Variants in FSIP1 observed in about 807,000 individuals in gnomAD.
FSIP1 encodes the protein fibrous sheath interacting protein 1, also known as fibrous sheath-interacting protein 1.
FSIP1 carries 65 observed loss-of-function variants against 60.9 expected under a neutral mutation model. The observed-to-expected ratio is 1.07, with a 90% CI of 0.87 to 1.31. The LOEUF (loss-of-function observed/expected upper bound fraction) is 1.31, where lower values mean the gene tolerates loss of function less well. FSIP1 is among the 40% of genes most tolerant of loss of function. The pLI, the probability that FSIP1 is intolerant of heterozygous loss-of-function variation, is 0.00. For synonymous variants in FSIP1, 209 were observed against 221.2 expected, an observed-to-expected ratio of 0.94 and a Z score of 0.49; for missense variants, 675 against 665.5, an observed-to-expected ratio of 1.01 and a Z score of -0.16.
At chr15:39,679,713 T>C (rs985517277) in intron 10 of FSIP1, among the ~76,000 whole-genome samples, 1 of 152,242 alleles carries the variant, frequency 6.6e-6, no homozygotes, top group African/African-American at 2.4e-5. Flanking sequence ...GGAATATTTA[T>C]GCTAAAGCAT....
At chr15:39,725,176 A>G (rs1896140727) in intron 9 of FSIP1, among the ~76,000 whole-genome samples, 1 of 152,240 alleles carries the variant, frequency 6.6e-6, no homozygotes, top group African/African-American at 2.4e-5. Context: ...GCTTGCAGTG[A>G]GCCGAGATCG....
At chr15:39,698,875 A>G (rs1254795233) in intron 10 of FSIP1, among the ~76,000 whole-genome samples, 1 of 152,198 alleles carries the variant, frequency 6.6e-6, no homozygotes, top group African/African-American at 2.4e-5. Context: ...TGCTTTCATA[A>G]AAGAAACCCA....
At chr15:39,703,075 C>A (rs1471424515) in intron 10 of FSIP1, among the ~76,000 whole-genome samples, 1 of 151,770 alleles carries the variant, frequency 6.6e-6, no homozygotes, top group Non-Finnish European at 1.5e-5. Flanking sequence ...CTCCCCCTCC[C>A]GGGTTCAAGC....
intron 5 of FSIP1, among the ~76,000 whole-genome samples, chr15:39,750,243 G>A (rs980466023): frequency 1.4e-4 from 21 of 151,800 alleles, no homozygotes; most frequent in African/African-American, 4.1e-4. Flanking sequence ...ACTACCCAAA[G>A]CAACCACTAT....
intron 10 of FSIP1, among the ~76,000 whole-genome samples, chr15:39,687,330 T>C (rs969481040): frequency 6.6e-6 from 1 of 151,886 alleles, no homozygotes; most frequent in African/African-American, 2.4e-5. Context: ...AATTTTGTAT[T>C]TTTAGTAGAA....
Position 39,689,774 on chromosome 15 carries a change from T to C in FSIP1, c.1188+23670A>G, listed in dbSNP as rs148037211. Among the ~76,000 whole-genome samples, 536 of 152,322 alleles carry C rather than the reference T, an allele frequency of 3.5e-3. 4 individuals carry two copies. Among genetic ancestry groups the C allele is most frequent in the African/African-American group, 0.012 (507 of 41,564 alleles). On this transcript the variant is annotated intron_variant, in intron 10 of 11. Coordinates refer to ENST00000350221, the MANE Select transcript of FSIP1 (RefSeq NM_152597.5). ...AATAGTAAGATTAGTTATCTAAATGTCCACACAAATGGCATAAATCACTGA... is the reference window on the plus strand; with the variant it reads ...AATAGTAAGATTAGTTATCTAAATGCCCACACAAATGGCATAAATCACTGA...
intron 10 of FSIP1, among the ~76,000 whole-genome samples, chr15:39,703,071 C>A (rs1217223644): frequency 1.3e-5 from 2 of 151,434 alleles, no homozygotes; most frequent in Non-Finnish European, 2.9e-5. Flanking sequence ...CAACCTCCCC[C>A]TCCCGGGTTC....
At chr15:39,756,741 A>T (rs1357876041) in intron 5 of FSIP1, among the ~76,000 whole-genome samples, 1 of 152,164 alleles carries the variant, frequency 6.6e-6, no homozygotes, top group East Asian at 1.9e-4. Flanking sequence ...GAAAAGAAAG[A>T]AAGTAGGTTT....
At chr15:39,688,804 G>A (rs1430182408) in intron 10 of FSIP1, among the ~76,000 whole-genome samples, 1 of 152,150 alleles carries the variant, frequency 6.6e-6, no homozygotes, top group African/African-American at 2.4e-5. Context: ...TAACACCTGT[G>A]GGTGAGGTGG....
chr15:39,699,096 G>A (rs1262694546), intron 10 of FSIP1, among the ~76,000 whole-genome samples: 1 of 152,208 alleles, frequency 6.6e-6, no homozygotes, highest in Admixed American at 6.5e-5. Flanking sequence ...AAGATGAAGG[G>A]CAAAAGGCAC....
chr15:39,774,808 G>C (rs1197593157), intron 2 of FSIP1, among the ~76,000 whole-genome samples: 1 of 152,214 alleles, frequency 6.6e-6, no homozygotes, highest in Non-Finnish European at 1.5e-5. Flanking sequence ...ATCTCTGCAT[G>C]TCTAGTCACC....
At chr15:39,672,175 C>A (rs984152630) in intron 10 of FSIP1, among the ~76,000 whole-genome samples, 2 of 152,316 alleles carry the variant, frequency 1.3e-5, no homozygotes, top group East Asian at 1.9e-4. Context: ...TCTGTCCAAG[C>A]TCAGCTTCCC....
chr15:39,766,336 A>C lies in FSIP1; in HGVS notation c.311-590T>G, dbSNP rs368399281. ...AGTACAATTGATAGTCACTTATTTG[A>C]AATTAAGGACTCTTTAGAACTTCTG... On this transcript the variant is annotated intron_variant, in intron 3 of 11. Transcript: ENST00000350221. 3.3e-5 allele frequency among the ~76,000 whole-genome samples: 5 copies of C among 152,340 alleles called. 1 individual carries two copies. The highest frequency in any genetic ancestry group is 6.5e-5 in the Admixed American group (1 of 15,298).
intron 10 of FSIP1, among the ~76,000 whole-genome samples, chr15:39,707,525 ACCCCT>A (rs1460895159): frequency 1.3e-5 from 2 of 151,768 alleles, no homozygotes; most frequent in Non-Finnish European, 2.9e-5. Flanking sequence ...TCCAAGGCTT[ACCCCT>A]CCATCTTCAA....
intron 5 of FSIP1, among the ~76,000 whole-genome samples, chr15:39,747,777 G>A (rs1201070203): frequency 6.6e-6 from 1 of 152,040 alleles, no homozygotes; most frequent in African/African-American, 2.4e-5. Context: ...CCTTCCCATG[G>A]TTCAGAATCT....
At chr15:39,614,311 AAAC>A (rs1332055530) in intron 11 of FSIP1, among the ~76,000 whole-genome samples, 1 of 152,184 alleles carries the variant, frequency 6.6e-6, no homozygotes, top group East Asian at 1.9e-4. Context: ...GAAATTAAGA[AAAC>A]AATCCCATTA....
chr15:39,600,706 C>T lies in FSIP1; in HGVS notation c.*174G>A, dbSNP rs1401233933. On this transcript the variant is annotated 3_prime_UTR_variant, in exon 12 of 12. Transcript: ENST00000350221. ...ATGAGCAAAAACCACTGAACAATTACACCCCAAGTCTCAAAAATATCAAGG... is the reference window on the plus strand; with the variant it reads ...ATGAGCAAAAACCACTGAACAATTATACCCCAAGTCTCAAAAATATCAAGG... 1.9e-6 allele frequency: 1 copy of T among 522,800 alleles called. No individual in the cohort carries two copies. The highest frequency in any genetic ancestry group is 2.0e-5 in the African/African-American group (1 of 50,234). 32.4% of individuals were successfully genotyped at this position (522,800 alleles called of 1,614,324 possible). A position where few individuals can be genotyped will look rare whatever the true frequency, so the allele number is the denominator to read the frequency against.
chr15:39,758,801 C>A (rs1268668794), intron 5 of FSIP1, among the ~76,000 whole-genome samples: 1 of 151,832 alleles, frequency 6.6e-6, no homozygotes, highest in African/African-American at 2.4e-5. Context: ...ATTACAAAGA[C>A]ACAATAATCA....
At chr15:39,749,643 G>T (rs1897106817) in intron 5 of FSIP1, among the ~76,000 whole-genome samples, 1 of 151,900 alleles carries the variant, frequency 6.6e-6, no homozygotes, top group Admixed American at 6.6e-5. Flanking sequence ...AAACTCTCAA[G>T]AGTTTAGGTA....
Sources: gnomAD v4.1 joint callset for allele counts (sites outside exome capture counted in the v4.1 genomes callset) on GRCh38, gnomAD v4.1.1 for gene constraint, MANE v1.5 for transcripts, NCBI Gene and HGNC (gene_info 2026-07-23, HGNC 2026-07-21) for gene names.